PTH2R: variants seen among roughly 807,000 people sequenced by gnomAD.
PTH2R encodes the protein parathyroid hormone 2 receptor.
In PTH2R, 59 loss-of-function variants were observed where a neutral mutation model predicts 60.3. The observed-to-expected ratio is 0.98, with a 90% CI of 0.79 to 1.22. The LOEUF is 1.22. Ranked by LOEUF, PTH2R falls within the 50% of genes most tolerant of loss-of-function variation. The pLI is 0.00. For synonymous variants in PTH2R, 256 were observed against 243.8 expected (o/e 1.05, Z -0.47); for missense variants, 749 against 682.6 (o/e 1.10, Z -1.08).
chr2:208,493,161 C>A (rs1357999449), intron 12 of PTH2R, 103 bp from the exon 13 acceptor site: 1 of 1,245,114 alleles, frequency 8.0e-7, no homozygotes, highest in Non-Finnish European at 1.1e-6. Flanking sequence ...GAACCTCAAT[C>A]AATGATTATT....
chr2:208,444,029 G>A (rs1702239981), intron 6 of PTH2R, among the ~76,000 whole-genome samples: 1 of 152,142 alleles, frequency 6.6e-6, no homozygotes, highest in East Asian at 1.9e-4. Context: ...GATCATTGAA[G>A]CAATATATCT....
intron 7 of PTH2R, among the ~76,000 whole-genome samples, chr2:208,449,363 A>G (rs1306545106): frequency 6.6e-6 from 1 of 152,120 alleles, no homozygotes; most frequent in South Asian, 2.1e-4. Context: ...GATATTGTTT[A>G]TTTGTTCATT....
At chr2:208,408,766 A>G (rs13029071) in intron 1 of PTH2R, among the ~76,000 whole-genome samples, 19 of 109,568 alleles carry the variant, frequency 1.7e-4, no homozygotes, top group African/African-American at 8.0e-4. Context: ...GAGAGAGAGA[A>G]ATAAATAATA....
intron 7 of PTH2R, among the ~76,000 whole-genome samples, chr2:208,447,242 G>A (rs1247978196): frequency 1.3e-5 from 2 of 151,998 alleles, no homozygotes; most frequent in Non-Finnish European, 2.9e-5. Context: ...AAAGTGCTGG[G>A]ATTACAGATG....
At chr2:208,477,268 T>C (rs913682822) in intron 9 of PTH2R, among the ~76,000 whole-genome samples, 1 of 152,132 alleles carries the variant, frequency 6.6e-6, no homozygotes, top group African/African-American at 2.4e-5. Flanking sequence ...CTTCTGAGAA[T>C]AAGTGACATT....
intron 10 of PTH2R, among the ~76,000 whole-genome samples, chr2:208,485,602 G>A (rs987189652): frequency 6.6e-6 from 1 of 152,208 alleles, no homozygotes; most frequent in Non-Finnish European, 1.5e-5. Flanking sequence ...AAGCTCATCA[G>A]TATTCACAGG....
chr2:208,469,436 T>C (rs575167768), intron 9 of PTH2R, among the ~76,000 whole-genome samples: 79 of 152,296 alleles, frequency 5.2e-4, no homozygotes, highest in Non-Finnish European at 1.0e-3. Context: ...AGATAAATTA[T>C]GGTCAGAATT....
At chr2:208,436,917 C>T (rs553296574) in intron 2 of PTH2R, among the ~76,000 whole-genome samples, 24 of 152,132 alleles carry the variant, frequency 1.6e-4, no homozygotes, top group Non-Finnish European at 2.2e-4. Context: ...GAATCAGGAG[C>T]GCCAGTCATA....
intron 1 of PTH2R, chr2:208,361,016 C>A: frequency 4.5e-6 from 1 of 222,344 alleles, no homozygotes; most frequent in Non-Finnish European, 9.5e-6. Flanking sequence ...TACTTGCACA[C>A]CCACCAGTTA....
rs142214907 is a variant in PTH2R, at chr2:208,477,349, A to G, written c.982-3721A>G. Among the ~76,000 whole-genome samples, 470 of 152,286 alleles carry G rather than the reference A, an allele frequency of 3.1e-3. 3 individuals are homozygous for G. Among genetic ancestry groups the G allele is most frequent in the Admixed American group, 5.1e-3 (78 of 15,300 alleles). Reference sequence around the variant, plus strand: ...GAGAGTAAACGATCCAGGCAAAGAAAACTCCAGGAACCAAGTCTCAGAGAC... The same window carrying G: ...GAGAGTAAACGATCCAGGCAAAGAAGACTCCAGGAACCAAGTCTCAGAGAC... On this transcript the variant is annotated intron_variant, in intron 9 of 12. Transcript: ENST00000272847.
chr2:208,449,625 T>C (rs1029528479), intron 7 of PTH2R, among the ~76,000 whole-genome samples: 12 of 152,136 alleles, frequency 7.9e-5, no homozygotes, highest in Admixed American at 2.6e-4. Flanking sequence ...TAAAATTCAG[T>C]AGTGATATAG....
chr2:208,390,374 T>A (rs900623621), intron 1 of PTH2R, among the ~76,000 whole-genome samples: 6 of 152,208 alleles, frequency 3.9e-5, no homozygotes, highest in African/African-American at 1.4e-4. Context: ...ATGCCTGATA[T>A]GTCTTGAAAG....
intron 9 of PTH2R, among the ~76,000 whole-genome samples, chr2:208,462,175 G>A (rs1424576743): frequency 2.0e-5 from 3 of 152,078 alleles, no homozygotes; most frequent in African/African-American, 7.2e-5. Flanking sequence ...GTATCTGAAA[G>A]TTTTCATAAA....
chr2:208,380,400 C>T (rs1282787316), intron 1 of PTH2R, among the ~76,000 whole-genome samples: 1 of 151,910 alleles, frequency 6.6e-6, no homozygotes, highest in East Asian at 1.9e-4. Flanking sequence ...TTATAAAAAC[C>T]CTGTAAGTCA....
chr2:208,472,965 G>A (rs1476004722), intron 9 of PTH2R, among the ~76,000 whole-genome samples: 2 of 152,188 alleles, frequency 1.3e-5, no homozygotes, highest in African/African-American at 4.8e-5. Flanking sequence ...CCATGCCAGA[G>A]CCCACAGTTT....
At chr2:208,456,581 T>C (rs991337558) in intron 8 of PTH2R, among the ~76,000 whole-genome samples, 3 of 152,200 alleles carry the variant, frequency 2.0e-5, no homozygotes, top group Non-Finnish European at 4.4e-5. Flanking sequence ...TTACTGATTG[T>C]AAGTTGTGGA....
At chr2:208,452,075 A>T (rs1384798735) in intron 8 of PTH2R, among the ~76,000 whole-genome samples, 1 of 152,212 alleles carries the variant, frequency 6.6e-6, no homozygotes, top group Non-Finnish European at 1.5e-5. Flanking sequence ...TGACATTAAT[A>T]CATTATTATG....
chr2:208,395,190 T>C (rs909420901), intron 1 of PTH2R, among the ~76,000 whole-genome samples: 1 of 151,890 alleles, frequency 6.6e-6, no homozygotes, highest in East Asian at 1.9e-4. Context: ...TGGGACTACA[T>C]GCGCCCGCCA....
At chr2:208,456,429 A>G (rs945369368) in intron 8 of PTH2R, among the ~76,000 whole-genome samples, 1 of 152,224 alleles carries the variant, frequency 6.6e-6, no homozygotes, top group African/African-American at 2.4e-5. Flanking sequence ...CAATGAGAGA[A>G]GAAACCCATA....
Sources: allele counts gnomAD v4.1 joint callset (sites outside exome capture counted in the v4.1 genomes callset), GRCh38; gene constraint gnomAD v4.1.1; transcripts MANE v1.5; gene names NCBI Gene and HGNC (gene_info 2026-07-23, HGNC 2026-07-21).